RAB3GAP2: variants seen among roughly 807,000 people sequenced by gnomAD.
The protein encoded by RAB3GAP2 is RAB3 GTPase activating non-catalytic protein subunit 2.
RAB3GAP2 carries 87 observed loss-of-function variants against 185.3 expected under a neutral mutation model. The observed-to-expected ratio is 0.47, with a 90% confidence interval of 0.39 to 0.56. RAB3GAP2 has a LOEUF of 0.56. RAB3GAP2 is among the 20% of genes least tolerant of loss of function. The pLI is 0.00. For synonymous variants in RAB3GAP2, 554 were observed against 576.1 expected (o/e 0.96, Z 0.55); for missense variants, 1,492 against 1,638.2 (o/e 0.91, Z 1.54).
At chr1:220,246,198 G>A (rs1659811797) in intron 1 of RAB3GAP2, among the ~76,000 whole-genome samples, 1 of 152,224 alleles carries the variant, frequency 6.6e-6, no homozygotes, top group African/African-American at 2.4e-5. Flanking sequence ...CTGGCCGTCA[G>A]AGAAATGCAA....
At chr1:220,201,878 T>G (rs1658866556) in intron 9 of RAB3GAP2, among the ~76,000 whole-genome samples, 2 of 152,042 alleles carry the variant, frequency 1.3e-5, no homozygotes. Flanking sequence ...TTTTTTCACA[T>G]AAGAATAAAT....
intron 1 of RAB3GAP2, among the ~76,000 whole-genome samples, chr1:220,269,144 C>T (rs1660286921): frequency 6.6e-6 from 1 of 152,072 alleles, no homozygotes; most frequent in African/African-American, 2.4e-5. Flanking sequence ...AAAAGGCTGC[C>T]CTGAGTTGAC....
intron 1 of RAB3GAP2, among the ~76,000 whole-genome samples, chr1:220,236,949 C>A (rs1042002809): frequency 4.6e-5 from 7 of 152,148 alleles, no homozygotes; most frequent in African/African-American, 1.7e-4. Flanking sequence ...ACAAACTCTA[C>A]GTCATCATGA....
At chr1:220,252,152 G>GAAAAAAAAAAAAAAAAAAAAAAA (rs58516168) in intron 1 of RAB3GAP2, among the ~76,000 whole-genome samples, 1 of 96,008 alleles carries the variant, frequency 1.0e-5, no homozygotes. Flanking sequence ...CTCAAAAAAA[G>GAAAAAAAAAAAAAAAAAAAAAAA]AAAAAAAAAA....
intron 2 of RAB3GAP2, among the ~76,000 whole-genome samples, chr1:220,215,562 G>A (rs1659176408): frequency 6.6e-6 from 1 of 152,104 alleles, no homozygotes; most frequent in South Asian, 2.1e-4. Flanking sequence ...CCCTTCCTTT[G>A]TAGATTTCCT....
At position 220,213,918 on chromosome 1, in the gene RAB3GAP2, G is replaced by A; in HGVS notation, c.242C>T (p.Ser81Phe). The change falls in exon 3 of 35, where the codon TCC becomes TTC. Residue 81 changes from serine to phenylalanine, a missense_variant. Transcript: ENST00000358951. ...CATAAGATCATTGGTTGGAGATAAG[G>A]ATAAAACACAATCTTGGAGCCAGGA... ...KTSWLQDCVL[S>F]LSPTNDLMVI... is the part of the protein sequence containing the mutation. 1 of 1,613,108 alleles carries A rather than the reference G, an allele frequency of 6.2e-7. No homozygotes were observed. The highest frequency in any genetic ancestry group is 1.7e-5 in the Admixed American group (1 of 59,998).
chr1:220,164,473 GTT>G (rs35024056), intron 27 of RAB3GAP2, among the ~76,000 whole-genome samples: 29 of 105,612 alleles, frequency 2.7e-4, no homozygotes, highest in East Asian at 5.6e-4. Flanking sequence ...TTTTTGTTTT[GTT>G]TTTTTTTTTT....
At chr1:220,232,747 C>T (rs895436282) in intron 2 of RAB3GAP2, 52 bp downstream of exon 2, 1 of 1,461,454 alleles carries the variant, frequency 6.8e-7, no homozygotes, top group Non-Finnish European at 9.6e-7. Flanking sequence ...ACCATCATTA[C>T]AAAAGGAAAA....
chr1:220,220,786 G>A (rs1019435546), intron 2 of RAB3GAP2, among the ~76,000 whole-genome samples: 2 of 152,188 alleles, frequency 1.3e-5, no homozygotes, highest in African/African-American at 4.8e-5. Context: ...CCCTGCACAA[G>A]CTCTCTTCTC....
At chr1:220,184,419 A>G (rs1050144881) in intron 18 of RAB3GAP2, among the ~76,000 whole-genome samples, 4 of 152,140 alleles carry the variant, frequency 2.6e-5, no homozygotes, top group African/African-American at 9.7e-5. Context: ...TCTTCATCTA[A>G]TACTTAAAAT....
intron 9 of RAB3GAP2, among the ~76,000 whole-genome samples, chr1:220,198,287 A>C (rs558961005): frequency 8.3e-4 from 127 of 152,304 alleles, no homozygotes; most frequent in Non-Finnish European, 1.5e-3. Context: ...TGGGTTTCAA[A>C]GTAAGAACCA....
At position 220,167,508 on chromosome 1, in the gene RAB3GAP2, T is replaced by C; in HGVS notation, c.2974A>G (p.Ile992Val). The change falls in exon 25 of 35, where the codon ATA (isoleucine) becomes GTA (valine). Residue 992 changes from isoleucine to valine, a missense_variant. Ile to Val is a conservative substitution (Grantham distance 29). Transcript: ENST00000358951. ...VSEMEMDLGA[I>V]PDLLHLAYEQ... ...CTCATTATTTGTGTATCACCTGGTA[T>C]GGCTCCTAAGTCCATCTCCATCTCT... 3 of 1,614,208 alleles carry C rather than the reference T, an allele frequency of 1.9e-6. No homozygotes were observed. The highest frequency in any genetic ancestry group is 2.5e-6 in the Non-Finnish European group (3 of 1,180,016).
At chr1:220,195,467 G>C in intron 10 of RAB3GAP2, 90 bp from the exon 11 acceptor site, 1 of 1,260,304 alleles carries the variant, frequency 7.9e-7, no homozygotes, top group Non-Finnish European at 1.2e-6. Flanking sequence ...AAAATGCTTT[G>C]AAAAGTTGTA....
At chr1:220,198,275 T>A (rs1470384980) in intron 9 of RAB3GAP2, among the ~76,000 whole-genome samples, 1 of 152,146 alleles carries the variant, frequency 6.6e-6, no homozygotes, top group Non-Finnish European at 1.5e-5. Context: ...AAACAATACC[T>A]CTGGGTTTCA....
intron 2 of RAB3GAP2, among the ~76,000 whole-genome samples, chr1:220,224,966 T>A (rs1240956005): frequency 1.3e-5 from 2 of 152,152 alleles, no homozygotes; most frequent in African/African-American, 2.4e-5. Context: ...CCAGGCTCCC[T>A]TTCCCCACAC....
intron 21 of RAB3GAP2, among the ~76,000 whole-genome samples, chr1:220,177,346 T>C (rs1658311381): frequency 6.6e-6 from 1 of 152,182 alleles, no homozygotes; most frequent in Non-Finnish European, 1.5e-5. Context: ...GAAGGTCAAG[T>C]ACAAACAAAG....
At chr1:220,252,423 T>G (rs1367762259) in intron 1 of RAB3GAP2, among the ~76,000 whole-genome samples, 1 of 152,174 alleles carries the variant, frequency 6.6e-6, no homozygotes, top group Non-Finnish European at 1.5e-5. Context: ...TAGAAGCAGC[T>G]GTGGTCTGTG....
At chr1:220,254,285 G>C in intron 1 of RAB3GAP2, 1 of 1,613,530 alleles carries the variant, frequency 6.2e-7, no homozygotes, top group Non-Finnish European at 8.5e-7. Context: ...AAATTTGAGA[G>C]ACCACAGTAT....
At chr1:220,249,734 A>G (rs1292269900) in intron 1 of RAB3GAP2, among the ~76,000 whole-genome samples, 1 of 152,178 alleles carries the variant, frequency 6.6e-6, no homozygotes, top group East Asian at 1.9e-4. Flanking sequence ...AGCTTTGTGC[A>G]GTCTTGGGAC....
Sources: allele counts gnomAD v4.1 joint callset (sites outside exome capture counted in the v4.1 genomes callset), GRCh38; gene constraint gnomAD v4.1.1; transcripts MANE v1.5; gene names NCBI Gene and HGNC (gene_info 2026-07-23, HGNC 2026-07-21).